MGMT: variants seen among roughly 807,000 people sequenced by gnomAD.
MGMT encodes methylated-DNA--protein-cysteine methyltransferase.
A neutral mutation model predicts 15.9 loss-of-function variants in MGMT; 14 were observed. The observed-to-expected ratio is 0.88, with a 90% CI of 0.58 to 1.37. MGMT has a LOEUF of 1.37. MGMT is among the 40% of genes most tolerant of loss of function. The probability of loss-of-function intolerance (pLI) is 0.00; values close to 1 mark genes in which losing one functional copy is unlikely to be tolerated. For missense variants in MGMT, 282 were observed against 268.1 expected (o/e 1.05, Z -0.36); for synonymous variants, 130 against 118.2 (o/e 1.10, Z -0.65).
intron 2 of MGMT, among the ~76,000 whole-genome samples, chr10:129,695,289 C>T (rs1251605998): frequency 1.3e-5 from 2 of 152,218 alleles, no homozygotes; most frequent in Non-Finnish European, 2.9e-5. Context: ...GATAAAATTG[C>T]AGTACTATTC....
intron 1 of MGMT, among the ~76,000 whole-genome samples, chr10:129,505,881 G>A (rs1470920038): frequency 6.6e-6 from 1 of 152,142 alleles, no homozygotes; most frequent in Non-Finnish European, 1.5e-5. Flanking sequence ...AGCCTGAGGG[G>A]TTGTGCTTGT....
At chr10:129,604,761 T>C (rs1032301087) in intron 2 of MGMT, among the ~76,000 whole-genome samples, 1 of 115,896 alleles carries the variant, frequency 8.6e-6, no homozygotes, top group African/African-American at 3.2e-5. Flanking sequence ...GCTTTCAGGC[T>C]GTGACCTCAA....
At chr10:129,589,264 C>T (rs1410539048) in intron 2 of MGMT, among the ~76,000 whole-genome samples, 1 of 152,192 alleles carries the variant, frequency 6.6e-6, no homozygotes, top group African/African-American at 2.4e-5. Flanking sequence ...TGCAGTGGGA[C>T]GTCAGAGCAG....
chr10:129,541,908 G>A (rs1395332214), intron 2 of MGMT, among the ~76,000 whole-genome samples: 1 of 152,188 alleles, frequency 6.6e-6, no homozygotes, highest in African/African-American at 2.4e-5. Context: ...TTGAGGCTGG[G>A]TGGGGCATGC....
At chr10:129,488,740 G>A (rs1354754857) in intron 1 of MGMT, among the ~76,000 whole-genome samples, 1 of 152,184 alleles carries the variant, frequency 6.6e-6, no homozygotes, top group Admixed American at 6.5e-5. Flanking sequence ...AACTTCTGCT[G>A]TGGTATGGAG....
At chr10:129,719,815 A>T (rs1278658685) in intron 3 of MGMT, among the ~76,000 whole-genome samples, 1 of 152,230 alleles carries the variant, frequency 6.6e-6, no homozygotes, top group Admixed American at 6.5e-5. Flanking sequence ...GCCTCTGATT[A>T]TCTGTCTGTA....
chr10:129,745,451 C>A (rs151087778), intron 3 of MGMT, among the ~76,000 whole-genome samples: 1 of 152,074 alleles, frequency 6.6e-6, no homozygotes, highest in African/African-American at 2.4e-5. Flanking sequence ...TCTCCAACAC[C>A]GTGGCTTTGT....
At chr10:129,764,672 G>A (rs28427056) in intron 4 of MGMT, among the ~76,000 whole-genome samples, 12,418 of 152,328 alleles carry the variant, frequency 0.082, 720 homozygotes, top group Non-Finnish European at 0.12. Flanking sequence ...CTGGGGATAC[G>A]CTCAGCTGGA....
chr10:129,524,264 CCAAACAAA>C (rs373857894), intron 1 of MGMT, among the ~76,000 whole-genome samples: 1 of 152,310 alleles, frequency 6.6e-6, no homozygotes, highest in African/African-American at 2.4e-5. Context: ...TGCAGCCTTG[CCAAACAAA>C]CAAACAAACA....
chr10:129,545,066 GA>G (rs1279488852), intron 2 of MGMT, among the ~76,000 whole-genome samples: 5 of 152,310 alleles, frequency 3.3e-5, no homozygotes, highest in Admixed American at 2.6e-4. Context: ...TCGTCCTTGG[GA>G]CCCCTCTGTG....
At chr10:129,537,562 G>GT (rs200080978) in intron 2 of MGMT, among the ~76,000 whole-genome samples, 93 of 149,384 alleles carry the variant, frequency 6.2e-4, no homozygotes, top group East Asian at 1.8e-3. Context: ...TTATGTGTTG[G>GT]TTTTTTTTTT....
rs183953815 is a variant in MGMT at position 129,613,943 on chromosome 10, A to G, written c.125+77566A>G. On this transcript the variant is annotated intron_variant, in intron 2 of 4. Coordinates refer to ENST00000651593, the MANE Select transcript of MGMT (RefSeq NM_002412.5). Reference sequence around the variant, plus strand: ...GACATGCATTTTGGTTTTTAAAATTATGGTAAAATATACATAAAATTTCCC... The same window carrying G: ...GACATGCATTTTGGTTTTTAAAATTGTGGTAAAATATACATAAAATTTCCC... Among the ~76,000 whole-genome samples the G allele has an allele frequency of 1.1e-3, 174 of 152,338 alleles. 1 individual carries two copies. The highest frequency in any genetic ancestry group is 2.2e-3 in the Non-Finnish European group (152 of 68,042).
intron 2 of MGMT, among the ~76,000 whole-genome samples, chr10:129,676,270 CT>C (rs2133116437): frequency 6.6e-6 from 1 of 152,324 alleles, no homozygotes; most frequent in South Asian, 2.1e-4. Context: ...CCTTCATTTC[CT>C]TGGTAATGGG....
At chr10:129,542,830 G>A (rs779316614) in intron 2 of MGMT, among the ~76,000 whole-genome samples, 7 of 152,140 alleles carry the variant, frequency 4.6e-5, no homozygotes, top group East Asian at 1.9e-4. Context: ...ATTCCATGTC[G>A]GTGAGGCCTG....
At chr10:129,698,756 G>A (rs1055895613) in intron 2 of MGMT, among the ~76,000 whole-genome samples, 2 of 152,166 alleles carry the variant, frequency 1.3e-5, no homozygotes, top group Non-Finnish European at 2.9e-5. Flanking sequence ...GAGACTGGAT[G>A]CATGCATTTA....
At chr10:129,565,493 T>G (rs1282820916) in intron 2 of MGMT, among the ~76,000 whole-genome samples, 2 of 152,220 alleles carry the variant, frequency 1.3e-5, no homozygotes, top group African/African-American at 4.8e-5. Flanking sequence ...AACTATTCCT[T>G]TCTTGTGGCT....
chr10:129,585,666 A>G (rs2133050025), intron 2 of MGMT, among the ~76,000 whole-genome samples: 1 of 152,266 alleles, frequency 6.6e-6, no homozygotes, highest in South Asian at 2.1e-4. Flanking sequence ...AGCAAATTCA[A>G]GTTTTGCCTT....
At chr10:129,759,443 C>T in intron 4 of MGMT, 102 bp downstream of exon 4, 1 of 1,556,804 alleles carries the variant, frequency 6.4e-7, no homozygotes, top group East Asian at 2.3e-5. Context: ...GGCTGTGCTG[C>T]TGGGGTGGGC....
intron 2 of MGMT, among the ~76,000 whole-genome samples, chr10:129,654,216 C>T (rs189792195): frequency 2.9e-4 from 44 of 152,190 alleles, no homozygotes; most frequent in African/African-American, 1.0e-3. Context: ...TCCGAGAAGA[C>T]GGCAAGACCT....
Sources: allele counts gnomAD v4.1 joint callset (sites outside exome capture counted in the v4.1 genomes callset), GRCh38; gene constraint gnomAD v4.1.1; transcripts MANE v1.5; gene names NCBI Gene and HGNC (gene_info 2026-07-23, HGNC 2026-07-21).